RCAN1: variants seen among roughly 807,000 people sequenced by gnomAD.
The protein encoded by RCAN1 is regulator of calcineurin 1, also known as calcipressin-1.
A neutral mutation model predicts 22.9 loss-of-function variants in RCAN1; 11 were observed. The observed-to-expected ratio is 0.48, with a 90% CI of 0.30 to 0.79. The LOEUF is 0.79. RCAN1 is among the 30% of genes least tolerant of loss of function. RCAN1 has a pLI of 0.06. For missense variants in RCAN1, 291 were observed against 337.8 expected, an observed-to-expected ratio of 0.86 and a Z score of 1.09; for synonymous variants, 136 against 142.3, an observed-to-expected ratio of 0.96 and a Z score of 0.32.
intron 1 of RCAN1, among the ~76,000 whole-genome samples, chr21:34,601,638 G>A (rs1568931433): frequency 2.0e-5 from 3 of 152,096 alleles, no homozygotes; most frequent in South Asian, 2.1e-4. Context: ...CTAACACGGT[G>A]AAACCCCATC....
rs534354278 is a variant in RCAN1, at chr21:34,530,522, C to T, written c.253-6812G>A. On this transcript the variant is annotated intron_variant, in intron 1 of 3. Transcript: ENST00000313806. Reference sequence around the variant, plus strand: ...CTGAGTTTTGACTTCCAACACTGAGCAAAAAATGAGGCAACTTGCAAAGGC... The same window carrying T: ...CTGAGTTTTGACTTCCAACACTGAGTAAAAAATGAGGCAACTTGCAAAGGC... 2.0e-5 allele frequency among the ~76,000 whole-genome samples: 3 copies of T among 149,014 alleles called. No individual in the cohort carries two copies. The South Asian group carries it at 6.4e-4, about 32-fold the overall frequency.
In RCAN1 at chr21:34,527,664, T is replaced by C. The variant is rs542363558; in HGVS notation, c.253-3954A>G. Among the ~76,000 whole-genome samples the C allele has an allele frequency of 1.1e-4, 16 of 152,284 alleles. No individual in the cohort carries two copies. The East Asian group carries it at 2.9e-3, about 28-fold the overall frequency. On this transcript the variant is annotated intron_variant, in intron 1 of 3. Transcript: ENST00000313806. The stretch of plus-strand genomic sequence containing the variant: ...CTTTGAAACTGAGCAATCTAGCCTT[T>C]GAAACTGAGCAAAGAAGCATTAACC...
chr21:34,592,187 A>T (rs532271334), intron 1 of RCAN1, among the ~76,000 whole-genome samples: 3 of 152,346 alleles, frequency 2.0e-5, no homozygotes, highest in African/African-American at 7.2e-5. Flanking sequence ...CTGAATTTCC[A>T]TTCTGGAAAG....
chr21:34,526,196 C>T (rs1397601353), intron 1 of RCAN1, among the ~76,000 whole-genome samples: 3 of 152,210 alleles, frequency 2.0e-5, no homozygotes, highest in African/African-American at 4.8e-5. Context: ...TTTGCTCTGG[C>T]GGCATTTTCT....
rs57195164 is a variant in RCAN1 at position 34,533,032 on chromosome 21, C to T, written c.253-9322G>A. On this transcript the variant is annotated intron_variant, in intron 1 of 3. Coordinates refer to ENST00000313806, the MANE Select transcript of RCAN1 (RefSeq NM_004414.7). ...CTGGAGTGCAGTGGCACTATCTCGG[C>T]TCACTGCAAGCTCCGCCTCCCGGGT... Among the ~76,000 whole-genome samples the T allele has an allele frequency of 2.6e-4, 39 of 150,910 alleles. 1 individual carries two copies. The East Asian group carries it at 4.5e-3, about 17-fold the overall frequency.
At chr21:34,562,764 A>C (rs2251836) in intron 1 of RCAN1, among the ~76,000 whole-genome samples, 103,003 of 152,080 alleles carry the variant, frequency 0.68, 35,937 homozygotes, top group African/African-American at 0.84. Context: ...AATAATAATA[A>C]CATGGTACCT....
intron 1 of RCAN1, among the ~76,000 whole-genome samples, chr21:34,534,142 G>A (rs980468370): frequency 3.3e-5 from 5 of 152,102 alleles, no homozygotes; most frequent in Non-Finnish European, 7.4e-5. Flanking sequence ...ATACAGCGAA[G>A]GGGCGAGGGG....
intron 1 of RCAN1, among the ~76,000 whole-genome samples, chr21:34,532,992 G>T (rs1047732789): frequency 7.6e-5 from 11 of 143,878 alleles, no homozygotes; most frequent in Non-Finnish European, 1.4e-4. Context: ...ACGGAGTCTT[G>T]CTCTGTCGCC....
chr21:34,582,410 C>G (rs951019352), intron 1 of RCAN1, among the ~76,000 whole-genome samples: 1 of 151,952 alleles, frequency 6.6e-6, no homozygotes, highest in Non-Finnish European at 1.5e-5. Context: ...GCTAGGGGCT[C>G]GGGAAGACAT....
At chr21:34,544,685 T>A (rs2123632273) in intron 1 of RCAN1, among the ~76,000 whole-genome samples, 1 of 152,318 alleles carries the variant, frequency 6.6e-6, no homozygotes, top group African/African-American at 2.4e-5. Flanking sequence ...CCCAGGCTGG[T>A]CTCAACGAGC....
intron 1 of RCAN1, among the ~76,000 whole-genome samples, chr21:34,538,500 A>G (rs1985776474): frequency 6.6e-6 from 1 of 151,968 alleles, no homozygotes; most frequent in African/African-American, 2.4e-5. Context: ...CCAATTCCCC[A>G]TCCACTCCCC....
intron 1 of RCAN1, chr21:34,526,735 G>A (rs1459733844): frequency 6.2e-7 from 1 of 1,613,364 alleles, no homozygotes; most frequent in Non-Finnish European, 8.5e-7. Context: ...TGTAGTTAAA[G>A]TTTCTAAAAT....
chr21:34,551,122 G>A (rs1001577777), intron 1 of RCAN1, among the ~76,000 whole-genome samples: 6 of 152,182 alleles, frequency 3.9e-5, no homozygotes, highest in Non-Finnish European at 8.8e-5. Flanking sequence ...TTAAAACTGG[G>A]AAGACCCAAG....
chr21:34,609,848 C>T (rs1267630675), intron 1 of RCAN1, among the ~76,000 whole-genome samples: 1 of 152,036 alleles, frequency 6.6e-6, no homozygotes, highest in East Asian at 1.9e-4. Flanking sequence ...GTCAGAAACC[C>T]TAAAATTAGA....
At chr21:34,579,256 T>A (rs1246879292) in intron 1 of RCAN1, among the ~76,000 whole-genome samples, 1 of 151,976 alleles carries the variant, frequency 6.6e-6, no homozygotes, top group Non-Finnish European at 1.5e-5. Context: ...ATTAGCCAGG[T>A]ACGGTGGTGC....
intron 1 of RCAN1, among the ~76,000 whole-genome samples, chr21:34,602,020 T>A (rs527573965): frequency 6.6e-6 from 1 of 152,048 alleles, no homozygotes; most frequent in African/African-American, 2.4e-5. Flanking sequence ...AAATTAAACA[T>A]TGACCTAATA....
chr21:34,588,063 C>T (rs543966654), intron 1 of RCAN1, among the ~76,000 whole-genome samples: 76 of 152,172 alleles, frequency 5.0e-4, no homozygotes, highest in Non-Finnish European at 9.6e-4. Context: ...TTGCCAGTCA[C>T]TATAATTGTA....
chr21:34,598,087 C>T (rs779051369), intron 1 of RCAN1, among the ~76,000 whole-genome samples: 9 of 152,170 alleles, frequency 5.9e-5, no homozygotes, highest in African/African-American at 9.7e-5. Context: ...GATGTAAAGA[C>T]GTCAACTCTC....
intron 1 of RCAN1, chr21:34,613,823 A>T: frequency 1.3e-6 from 2 of 1,488,848 alleles, no homozygotes; most frequent in Non-Finnish European, 1.8e-6. Context: ...TTGTATTGGC[A>T]GCAGCCTTCA....
Sources: allele counts gnomAD v4.1 joint callset (sites outside exome capture counted in the v4.1 genomes callset), GRCh38; gene constraint gnomAD v4.1.1; transcripts MANE v1.5; gene names NCBI Gene and HGNC (gene_info 2026-07-23, HGNC 2026-07-21).